The following SYN3 variants were observed in gnomAD, a reference collection of about 807,000 sequenced individuals.
The protein encoded by SYN3 is synapsin-3.
SYN3 carries 35 observed loss-of-function variants against 65.8 expected under a neutral mutation model. That is an observed-to-expected ratio of 0.53 (90% CI 0.41 to 0.70). SYN3 has a LOEUF of 0.70. SYN3 is among the 30% of genes least tolerant of loss of function. The pLI is 0.00. For missense variants in SYN3, 680 were observed against 749.0 expected, an observed-to-expected ratio of 0.91 and a Z score of 1.08; for synonymous variants, 270 against 292.9, an observed-to-expected ratio of 0.92 and a Z score of 0.80.
At chr22:32,755,798 T>C (rs1023226559) in intron 6 of SYN3, among the ~76,000 whole-genome samples, 2 of 152,206 alleles carry the variant, frequency 1.3e-5, no homozygotes, top group Non-Finnish European at 2.9e-5. Context: ...CCTTGTACTA[T>C]GTTGAAACAA....
rs1031845451 is a variant in SYN3 at position 32,818,866 on chromosome 22, G to A, written c.711+46049C>T. Among the ~76,000 whole-genome samples, 2 of 152,172 alleles carry A rather than the reference G, an allele frequency of 1.3e-5. 1 individual carries two copies. The highest frequency in any genetic ancestry group is 3.9e-4 in the East Asian group (2 of 5,190). The stretch of plus-strand genomic sequence containing the variant: ...GTCTGGGTAAGAATTCCCTGTCATG[G>A]GGCTCTGAAGCCACGGGCCAGGCAG... On this transcript the variant is annotated intron_variant, in intron 6 of 13. Coordinates refer to ENST00000358763, the MANE Select transcript of SYN3 (RefSeq NM_003490.4).
intron 4 of SYN3, among the ~76,000 whole-genome samples, chr22:32,890,026 C>T (rs1027970616): frequency 3.0e-5 from 4 of 131,856 alleles, no homozygotes; most frequent in Non-Finnish European, 3.2e-5. Context: ...AAAAAAATTT[C>T]GTGGTTTCCT....
At chr22:33,028,546 C>T (rs905123126) in intron 1 of SYN3, among the ~76,000 whole-genome samples, 4 of 152,014 alleles carry the variant, frequency 2.6e-5, no homozygotes, top group Admixed American at 6.6e-5. Context: ...TTCCAGTCTC[C>T]AGGCTGGATG....
At chr22:32,953,296 G>T (rs1357066206) in intron 3 of SYN3, among the ~76,000 whole-genome samples, 1 of 152,080 alleles carries the variant, frequency 6.6e-6, no homozygotes, top group African/African-American at 2.4e-5. Context: ...CCAGGGCTAG[G>T]GGCTGGTGAC....
At chr22:32,962,624 G>T (rs911688970) in intron 3 of SYN3, among the ~76,000 whole-genome samples, 9 of 152,156 alleles carry the variant, frequency 5.9e-5, no homozygotes, top group African/African-American at 2.2e-4. Flanking sequence ...GGCAGCTTGG[G>T]AGCCAGACGG....
At chr22:32,984,606 T>C (rs1229629059) in intron 2 of SYN3, among the ~76,000 whole-genome samples, 1 of 151,876 alleles carries the variant, frequency 6.6e-6, no homozygotes, top group Non-Finnish European at 1.5e-5. Flanking sequence ...GGCCTAAGAG[T>C]GCAATTTGTA....
intron 6 of SYN3, among the ~76,000 whole-genome samples, chr22:32,643,895 G>T (rs1222372124): frequency 1.3e-5 from 2 of 151,442 alleles, no homozygotes; most frequent in African/African-American, 4.9e-5. Flanking sequence ...TTCAAGACCA[G>T]CCTGGCCAAC....
chr22:32,803,643 A>C (rs1346104954), intron 6 of SYN3, among the ~76,000 whole-genome samples: 4 of 152,016 alleles, frequency 2.6e-5, no homozygotes. Context: ...CCCACATTCC[A>C]CTTACCCTTT....
intron 6 of SYN3, among the ~76,000 whole-genome samples, chr22:32,606,499 A>G (rs1424705567): frequency 6.6e-6 from 1 of 152,226 alleles, no homozygotes; most frequent in South Asian, 2.1e-4. Flanking sequence ...TAATTCTGCC[A>G]TGTTGTGACA....
At chr22:32,941,545 T>C (rs1294453734) in intron 3 of SYN3, among the ~76,000 whole-genome samples, 2 of 150,694 alleles carry the variant, frequency 1.3e-5, no homozygotes, top group African/African-American at 4.8e-5. Context: ...GGGTGATTTC[T>C]GCATTTCCAA....
At chr22:32,814,952 T>C (rs564363231) in intron 6 of SYN3, among the ~76,000 whole-genome samples, 3 of 152,330 alleles carry the variant, frequency 2.0e-5, no homozygotes, top group African/African-American at 7.2e-5. Context: ...AATATGACCA[T>C]TTCAATATGT....
At chr22:32,820,087 A>G (rs2047193308) in intron 6 of SYN3, among the ~76,000 whole-genome samples, 1 of 151,930 alleles carries the variant, frequency 6.6e-6, no homozygotes. Context: ...TCTGATTCCT[A>G]TGAAGGTGGA....
chr22:32,565,685 T>TTTTAATTTAA (rs954211988), intron 7 of SYN3, among the ~76,000 whole-genome samples: 1 of 150,176 alleles, frequency 6.7e-6, no homozygotes, highest in African/African-American at 2.4e-5. Context: ...CCTGGCTAAT[T>TTTTAATTTAA]TTTAATTTAA....
At chr22:32,683,515 G>A (rs1420211016) in intron 6 of SYN3, among the ~76,000 whole-genome samples, 1 of 152,164 alleles carries the variant, frequency 6.6e-6, no homozygotes, top group African/African-American at 2.4e-5. Context: ...TCTGGAGGCT[G>A]GAAGTCTGAA....
chr22:32,763,868 G>T (rs2045552923), intron 6 of SYN3, among the ~76,000 whole-genome samples: 1 of 152,118 alleles, frequency 6.6e-6, no homozygotes, highest in African/African-American at 2.4e-5. Context: ...AGATAGTAGG[G>T]GGAGGATTTG....
chr22:32,792,621 C>T (rs912583847), intron 6 of SYN3, among the ~76,000 whole-genome samples: 2 of 152,240 alleles, frequency 1.3e-5, no homozygotes, highest in East Asian at 1.9e-4. Flanking sequence ...AGGGCACACC[C>T]GCACCCCTAG....
In SYN3 at chr22:32,973,780, G is replaced by C. The variant is rs531286282; in HGVS notation, c.369+6865C>G. 3.2e-3 allele frequency among the ~76,000 whole-genome samples: 492 copies of C among 152,234 alleles called. 3 individuals are homozygous for C. Among genetic ancestry groups the C allele is most frequent in the Non-Finnish European group, 5.5e-3 (377 of 68,012 alleles). Reference sequence around the variant, plus strand: ...CCCAGCTTCTTCATCTGCTAAAAGGGACAAAGTACCCATCTTTTGTTAGTT... The same window carrying C: ...CCCAGCTTCTTCATCTGCTAAAAGGCACAAAGTACCCATCTTTTGTTAGTT... On this transcript the variant is annotated intron_variant, in intron 3 of 13. Coordinates refer to ENST00000358763, the MANE Select transcript of SYN3 (RefSeq NM_003490.4).
chr22:32,632,706 C>T (rs1045442238), intron 6 of SYN3, among the ~76,000 whole-genome samples: 6 of 152,178 alleles, frequency 3.9e-5, no homozygotes, highest in Non-Finnish European at 5.9e-5. Flanking sequence ...TCCTCCTTAG[C>T]CTTTCCCTTC....
chr22:32,605,219 A>G (rs2059355816), intron 6 of SYN3, among the ~76,000 whole-genome samples: 1 of 152,048 alleles, frequency 6.6e-6, no homozygotes, highest in African/African-American at 2.4e-5. Flanking sequence ...GTCATATGCG[A>G]ACAGGCAGAG....
Sources: allele counts gnomAD v4.1 joint callset (sites outside exome capture counted in the v4.1 genomes callset), GRCh38; gene constraint gnomAD v4.1.1; transcripts MANE v1.5; gene names NCBI Gene and HGNC (gene_info 2026-07-23, HGNC 2026-07-21).